The following GLIS3 variants were observed in gnomAD, a reference collection of about 807,000 sequenced individuals.
The protein encoded by GLIS3 is zinc finger protein GLIS3.
Under a neutral mutation model 78.6 loss-of-function variants are expected in GLIS3, and 53 were observed. The ratio of observed to expected loss-of-function variants is 0.67; its 90% CI spans 0.54 to 0.85. The LOEUF (loss-of-function observed/expected upper bound fraction) is 0.85. GLIS3 is among the 40% of genes least tolerant of loss of function. The probability of loss-of-function intolerance (pLI) is 0.00; values close to 1 mark genes in which losing one functional copy is unlikely to be tolerated. For synonymous variants in GLIS3, 684 were observed against 509.9 expected, an observed-to-expected ratio of 1.34 and a Z score of -4.60; for missense variants, 1,703 against 1,231.1, an observed-to-expected ratio of 1.38 and a Z score of -5.74.
At chr9:4,214,721 T>G (rs890767935) in intron 2 of GLIS3, among the ~76,000 whole-genome samples, 3 of 152,246 alleles carry the variant, frequency 2.0e-5, no homozygotes, top group Admixed American at 6.5e-5. Context: ...ATTTCACAAT[T>G]TCACTTCTTG....
chr9:4,319,273 G>A (rs1159860787), intron 2 of GLIS3, among the ~76,000 whole-genome samples: 2 of 151,960 alleles, frequency 1.3e-5, no homozygotes, highest in Non-Finnish European at 2.9e-5. Context: ...TGTACTTAGG[G>A]GCAACATTCT....
intron 2 of GLIS3, among the ~76,000 whole-genome samples, chr9:4,170,374 G>A (rs1485997645): frequency 6.6e-6 from 1 of 152,180 alleles, no homozygotes; most frequent in African/African-American, 2.4e-5. Flanking sequence ...AGTGAAGCTG[G>A]GCTGGTCAAC....
At chr9:4,484,645 G>A in the GLIS3 span, among the ~76,000 whole-genome samples, 96 of 152,064 alleles carry the variant, frequency 6.3e-4, no homozygotes, top group African/African-American at 2.3e-3. Context: ...TCGAACTCCC[G>A]ACCTCAGGTG....
chr9:4,047,171 C>G (rs1001703434), intron 4 of GLIS3, among the ~76,000 whole-genome samples: 16 of 152,134 alleles, frequency 1.1e-4, no homozygotes, highest in Admixed American at 4.6e-4. Flanking sequence ...CTCATGAGAG[C>G]TGATGGTTTC....
intron 2 of GLIS3, among the ~76,000 whole-genome samples, chr9:4,164,419 G>C (rs1267494579): frequency 3.9e-5 from 6 of 152,188 alleles, no homozygotes; most frequent in Non-Finnish European, 4.4e-5. Flanking sequence ...TTGTGATAAA[G>C]AGGAACAATG....
chr9:3,859,628 T>G (rs993259257), intron 8 of GLIS3, among the ~76,000 whole-genome samples: 1 of 152,158 alleles, frequency 6.6e-6, no homozygotes, highest in Non-Finnish European at 1.5e-5. Context: ...TTACAGCGTG[T>G]CCAAGAGCCA....
rs138444565 is a variant in GLIS3, at chr9:3,885,210, G to C, written c.2129-5615C>G. On this transcript the variant is annotated intron_variant, in intron 7 of 10. Coordinates refer to ENST00000381971, the MANE Select transcript of GLIS3 (RefSeq NM_001042413.2). ...CTAGAGGCATATTGATCCACTGCTA[G>C]GAAAAGAAGGAAGGCAAGGAAGGGT... Among the ~76,000 whole-genome samples, 9 of 152,296 alleles carry C rather than the reference G, an allele frequency of 5.9e-5. No homozygotes were observed. The East Asian group carries it at 1.7e-3, about 29-fold the overall frequency.
At chr9:4,190,300 T>C (rs1044105484) in intron 2 of GLIS3, among the ~76,000 whole-genome samples, 5 of 152,256 alleles carry the variant, frequency 3.3e-5, no homozygotes, top group South Asian at 4.1e-4. Context: ...TTTAGACGAA[T>C]GTATAACTAG....
intron 7 of GLIS3, among the ~76,000 whole-genome samples, chr9:3,882,739 T>A (rs1044894225): frequency 1.3e-5 from 2 of 152,154 alleles, no homozygotes; most frequent in Non-Finnish European, 2.9e-5. Flanking sequence ...TACGGCCCCA[T>A]GAGAACAAGA....
At chr9:4,188,427 T>A (rs1818009848) in intron 2 of GLIS3, among the ~76,000 whole-genome samples, 1 of 149,452 alleles carries the variant, frequency 6.7e-6, no homozygotes, top group Admixed American at 6.7e-5. Context: ...TTTGCATCAA[T>A]GTTCATCAAG....
chr9:4,349,564 C>G (rs770927621), upstream of GLIS3, among the ~76,000 whole-genome samples: 2 of 152,014 alleles, frequency 1.3e-5, no homozygotes, highest in Non-Finnish European at 2.9e-5. Context: ...GAAAAAAATA[C>G]CTAACAAAAC....
chr9:3,979,987 G>A (rs1192695500), intron 4 of GLIS3, among the ~76,000 whole-genome samples: 1 of 152,134 alleles, frequency 6.6e-6, no homozygotes, highest in South Asian at 2.1e-4. Context: ...GCAAAAGAGA[G>A]GGTGGGGTGG....
intron 4 of GLIS3, among the ~76,000 whole-genome samples, chr9:4,096,234 G>A (rs1829936254): frequency 6.6e-6 from 1 of 152,134 alleles, no homozygotes; most frequent in Non-Finnish European, 1.5e-5. Flanking sequence ...AAAATAACCA[G>A]ACGATGTGCG....
At chr9:3,890,068 C>T (rs1246446685) in intron 7 of GLIS3, among the ~76,000 whole-genome samples, 1 of 152,260 alleles carries the variant, frequency 6.6e-6, no homozygotes, top group South Asian at 2.1e-4. Flanking sequence ...TACAAAATGA[C>T]ATCAGGACCA....
At position 3,825,234 on chromosome 9, in the gene GLIS3, C is replaced by G. The variant is rs1817664456; in HGVS notation, c.*3038G>C. 1 of 151,312 alleles carries G rather than the reference C, an allele frequency of 6.6e-6. No homozygotes were observed. Among genetic ancestry groups the G allele is most frequent in the Non-Finnish European group, 1.5e-5 (1 of 67,814 alleles). 9.4% of individuals were successfully genotyped at this position (151,312 alleles called of 1,614,324 possible). A position where few individuals can be genotyped will look rare whatever the true frequency, so the allele number is the denominator to read the frequency against. On this transcript the variant is annotated 3_prime_UTR_variant, in exon 11 of 11. Coordinates refer to ENST00000381971, the MANE Select transcript of GLIS3 (RefSeq NM_001042413.2). ...AACTCTGCTGTGATCTACTAAAGAC[C>G]TTTTTTTTTCTTCTTATTTTATGAT...
chr9:3,886,133 T>C (rs548255351), intron 7 of GLIS3, among the ~76,000 whole-genome samples: 2 of 152,314 alleles, frequency 1.3e-5, no homozygotes, highest in South Asian at 4.1e-4. Context: ...AGGGTACATG[T>C]TGCTCCCAAA....
At chr9:4,312,284 A>G (rs950100293) in intron 2 of GLIS3, among the ~76,000 whole-genome samples, 1 of 152,198 alleles carries the variant, frequency 6.6e-6, no homozygotes, top group Non-Finnish European at 1.5e-5. Context: ...CCTGGCCAAC[A>G]TGGCAAAACC....
At chr9:3,846,186 C>A (rs1166623938) in intron 9 of GLIS3, among the ~76,000 whole-genome samples, 2 of 152,122 alleles carry the variant, frequency 1.3e-5, no homozygotes, top group Non-Finnish European at 2.9e-5. Flanking sequence ...TATAAGGAAC[C>A]GCATATTTAT....
chr9:4,288,892 T>C (rs181435828), intron 1 of GLIS3, among the ~76,000 whole-genome samples: 1 of 152,250 alleles, frequency 6.6e-6, no homozygotes, highest in East Asian at 1.9e-4. Flanking sequence ...AAACTAAACA[T>C]GAAAATATGG....
Sources: allele counts gnomAD v4.1 joint callset (sites outside exome capture counted in the v4.1 genomes callset), GRCh38; gene constraint gnomAD v4.1.1; transcripts MANE v1.5; gene names NCBI Gene and HGNC (gene_info 2026-07-23, HGNC 2026-07-21).